The following EPS15L1 variants were observed in gnomAD, a reference collection of about 807,000 sequenced individuals.
EPS15L1 encodes the protein epidermal growth factor receptor pathway substrate 15 like 1.
EPS15L1 carries 43 observed loss-of-function variants against 117.1 expected under a neutral mutation model. The observed-to-expected ratio is 0.37, with a 90% CI of 0.29 to 0.47. The LOEUF is 0.47. Ranked by LOEUF, EPS15L1 falls within the 20% of genes least tolerant of loss-of-function variation. The pLI, the probability that EPS15L1 is intolerant of heterozygous loss-of-function variation, is 0.99. For synonymous variants in EPS15L1, 459 were observed against 470.5 expected, an observed-to-expected ratio of 0.98 and a Z score of 0.32; for missense variants, 981 against 1,164.0, an observed-to-expected ratio of 0.84 and a Z score of 2.29.
chr19:16,367,062 C>T (rs1324159757), intron 22 of EPS15L1, among the ~76,000 whole-genome samples: 1 of 151,886 alleles, frequency 6.6e-6, no homozygotes, highest in African/African-American at 2.4e-5. Context: ...CTCCAGAAAA[C>T]ATGAGTAAGG....
chr19:16,395,128 G>A (rs2092525881), intron 17 of EPS15L1, among the ~76,000 whole-genome samples: 1 of 151,372 alleles, frequency 6.6e-6, no homozygotes, highest in Non-Finnish European at 1.5e-5. Context: ...CCAGGAGGCG[G>A]AGGTTGCAGT....
intron 13 of EPS15L1, among the ~76,000 whole-genome samples, chr19:16,406,330 C>T (rs1464958684): frequency 2.6e-5 from 4 of 152,150 alleles, no homozygotes; most frequent in Non-Finnish European, 4.4e-5. Flanking sequence ...ACATGTTCGA[C>T]AGGAAACTCA....
intron 1 of EPS15L1, among the ~76,000 whole-genome samples, chr19:16,465,229 C>T (rs1359399736): frequency 6.6e-6 from 1 of 152,184 alleles, no homozygotes; most frequent in Non-Finnish European, 1.5e-5. Flanking sequence ...CTCCTCCATA[C>T]AACCATGTCC....
At chr19:16,435,847 G>A (rs1454289670) in intron 6 of EPS15L1, among the ~76,000 whole-genome samples, 2 of 152,080 alleles carry the variant, frequency 1.3e-5, no homozygotes, top group Admixed American at 6.6e-5. Flanking sequence ...TGTGCTCCCT[G>A]ACTCCTCTCT....
chr19:16,402,064 G>A (rs1209395999), intron 16 of EPS15L1: 3 of 1,236,284 alleles, frequency 2.4e-6, no homozygotes, highest in African/African-American at 1.5e-5. Context: ...CGCAGAGATG[G>A]AGGGCATTCA....
chr19:16,374,048 G>A (rs994614782), intron 22 of EPS15L1, among the ~76,000 whole-genome samples: 2 of 152,356 alleles, frequency 1.3e-5, no homozygotes, highest in Admixed American at 6.5e-5. Flanking sequence ...GCGTGCATTG[G>A]CTGTTTTAGA....
At chr19:16,455,884 G>A (rs1410322692) in intron 1 of EPS15L1, among the ~76,000 whole-genome samples, 1 of 151,990 alleles carries the variant, frequency 6.6e-6, no homozygotes, top group East Asian at 1.9e-4. Flanking sequence ...TCCAGCTACT[G>A]ACCTCCCCCC....
chr19:16,367,497 T>TAGAAA (rs2092150102), intron 22 of EPS15L1, among the ~76,000 whole-genome samples: 1 of 65,304 alleles, frequency 1.5e-5, no homozygotes, highest in South Asian at 8.0e-4. Flanking sequence ...TATGTGCTGT[T>TAGAAA]AAAAAAAAAA....
At chr19:16,400,054 T>G (rs12461829) in intron 16 of EPS15L1, among the ~76,000 whole-genome samples, 3,643 of 152,198 alleles carry the variant, frequency 0.024, 118 homozygotes, top group Admixed American at 0.086. Context: ...AACCCTGACT[T>G]TGGCGGGTGA....
intron 21 of EPS15L1, among the ~76,000 whole-genome samples, chr19:16,379,756 C>T (rs946084970): frequency 2.0e-5 from 3 of 152,182 alleles, no homozygotes; most frequent in African/African-American, 4.8e-5. Flanking sequence ...CCGTCTAAGG[C>T]TACAGTGTCC....
At position 16,367,753 on chromosome 19, in the gene EPS15L1, C is replaced by CAA. The variant is rs60689307; in HGVS notation, c.2381-5771_2381-5770dup. Among the ~76,000 whole-genome samples the CAA allele has an allele frequency of 4.9e-3, 250 of 50,688 alleles. 3 individuals are homozygous for CAA. Among genetic ancestry groups the CAA allele is most frequent in the African/African-American group, 0.011 (151 of 13,742 alleles). The allele number at this position is 50,688 out of a possible 152,430, so 33.3% of individuals were successfully genotyped here. ...GCATCCTCAAGAGCTGGGTGCAAAGCAAAAAAAAAAAAAAAAAAACCCAAA... is the reference window on the plus strand; with the variant it reads ...GCATCCTCAAGAGCTGGGTGCAAAGCAAAAAAAAAAAAAAAAAAAAACCCAAA... On this transcript the variant is annotated intron_variant, in intron 22 of 23. Transcript: ENST00000455140.
chr19:16,376,337 T>C (rs1250834613), intron 22 of EPS15L1, among the ~76,000 whole-genome samples: 1 of 152,176 alleles, frequency 6.6e-6, no homozygotes, highest in Non-Finnish European at 1.5e-5. Flanking sequence ...AAGCAATAGC[T>C]TTCTGTTTGA....
chr19:16,464,082 C>T (rs1325688156), intron 1 of EPS15L1, among the ~76,000 whole-genome samples: 1 of 152,184 alleles, frequency 6.6e-6, no homozygotes, highest in East Asian at 1.9e-4. Flanking sequence ...GGCTGGTGTG[C>T]CCAAGAGGAG....
chr19:16,450,309 C>T (rs2093127300), intron 1 of EPS15L1, among the ~76,000 whole-genome samples: 1 of 151,700 alleles, frequency 6.6e-6, no homozygotes, highest in Admixed American at 6.6e-5. Context: ...CCATGTCATT[C>T]ACCTTGCTGC....
intron 22 of EPS15L1, among the ~76,000 whole-genome samples, chr19:16,368,089 C>T (rs559217050): frequency 6.6e-6 from 1 of 151,954 alleles, no homozygotes; most frequent in Non-Finnish European, 1.5e-5. Context: ...GAGATACATA[C>T]AAAAACAAAA....
At position 16,392,409 on chromosome 19, in the gene EPS15L1, A is replaced by ACTTTCTTTGAAAGGGTCC; in HGVS notation, c.1980_1997dup (p.Glu665_Ser666insArgAspProPheLysGlu). ...CAGTGGCAGAGCCACGGAATGGGTCACTTTCTTTGAAAGGGTCCCCTCCAA... is the reference window on the plus strand; with the variant it reads ...CAGTGGCAGAGCCACGGAATGGGTCACTTTCTTTGAAAGGGTCCCTTTCTTTGAAAGGGTCCCCTCCAA... On this transcript the variant is annotated inframe_insertion, in exon 19 of 24. Transcript: ENST00000455140. 1 of 1,614,186 alleles carries ACTTTCTTTGAAAGGGTCC rather than the reference A, an allele frequency of 6.2e-7. No homozygotes were observed. Among genetic ancestry groups the ACTTTCTTTGAAAGGGTCC allele is most frequent in the South Asian group, 1.1e-5 (1 of 91,088 alleles).
At chr19:16,453,776 T>C (rs1042254605) in intron 1 of EPS15L1, among the ~76,000 whole-genome samples, 2 of 151,752 alleles carry the variant, frequency 1.3e-5, no homozygotes, top group East Asian at 1.9e-4. Context: ...ACAGGATCCG[T>C]ATTCCAAACC....
At chr19:16,426,244 G>T (rs1393715799) in intron 8 of EPS15L1, among the ~76,000 whole-genome samples, 1 of 152,226 alleles carries the variant, frequency 6.6e-6, no homozygotes, top group Non-Finnish European at 1.5e-5. Flanking sequence ...TGGGATTCCT[G>T]TCTCACAAGA....
At chr19:16,358,721 G>A (rs2092014578) in intron 23 of EPS15L1, among the ~76,000 whole-genome samples, 1 of 152,226 alleles carries the variant, frequency 6.6e-6, no homozygotes, top group South Asian at 2.1e-4. Context: ...GCGCTCCAAG[G>A]TGTCTGATGG....
Sources: allele counts gnomAD v4.1 joint callset (sites outside exome capture counted in the v4.1 genomes callset), GRCh38; gene constraint gnomAD v4.1.1; transcripts MANE v1.5; gene names NCBI Gene and HGNC (gene_info 2026-07-23, HGNC 2026-07-21).